Variants in ACTB observed in about 807,000 individuals in gnomAD.
The protein encoded by ACTB is actin beta, also known as actin, cytoplasmic 1.
In ACTB, 2 loss-of-function variants were observed where a neutral mutation model predicts 30.5. The observed-to-expected ratio is 0.07, with a 90% CI of 0.03 to 0.21. The LOEUF (loss-of-function observed/expected upper bound fraction) is 0.21. ACTB is among the 10% of genes least tolerant of loss of function. ACTB has a pLI of 1.00. For synonymous variants in ACTB, 335 were observed against 217.6 expected (o/e 1.54, Z -4.75); for missense variants, 56 against 530.0 (o/e 0.11, Z 8.78).
chr7:5,528,918 C>T lies in ACTB; in HGVS notation c.364-199G>A, dbSNP rs1001654212. The stretch of plus-strand genomic sequence containing the variant: ...ACACCAGCCTCATGGCCTTGTCACA[C>T]GAGCCAGTGTTAGTACCTACACCCA... On this transcript the variant is annotated intron_variant, in intron 3 of 5. Transcript: ENST00000646664. 6 of 1,468,756 alleles carry T rather than the reference C, an allele frequency of 4.1e-6. No individual in the cohort carries two copies. The South Asian group carries it at 4.9e-5, about 12-fold the overall frequency. 91.0% of individuals were successfully genotyped at this position (1,468,756 alleles called of 1,614,324 possible). A position where few individuals can be genotyped will look rare whatever the true frequency, so the allele number is the denominator to read the frequency against.
At chr7:5,528,957 G>C (rs967389276) in intron 3 of ACTB, 1 of 1,546,496 alleles carries the variant, frequency 6.5e-7, no homozygotes, top group South Asian at 1.2e-5. Flanking sequence ...CACTGTCTTA[G>C]ACACCTAGTC....
intron 2 of ACTB, 36 bp from the exon 3 acceptor site, chr7:5,529,436 C>G: frequency 6.2e-7 from 1 of 1,613,648 alleles, no homozygotes; most frequent in South Asian, 1.1e-5. Context: ...TGAGCACGGG[C>G]GCAGCCCCCA....
chr7:5,529,853 G>C (rs1053696029), intron 1 of ACTB, 190 bp from the exon 2 acceptor site: 2 of 984,984 alleles, frequency 2.0e-6, no homozygotes, highest in Admixed American at 2.0e-5. Flanking sequence ...CGCGCGGCAG[G>C]AAGCCAGGCC....
rs201416978 is a variant in ACTB, at chr7:5,527,859, C to G, written c.1017G>C (p.Val339=). The G allele has an allele frequency of 3.0e-5, 48 of 1,614,078 alleles. No individual in the cohort carries two copies. The East Asian group carries it at 8.2e-4, about 28-fold the overall frequency. ...AGGCCAGGATGGAGCCGCCGATCCACACGGAGTACTTGCGCTCAGGAGGAG... is the reference window on the plus strand; with the variant it reads ...AGGCCAGGATGGAGCCGCCGATCCAGACGGAGTACTTGCGCTCAGGAGGAG... The part of the protein sequence containing the change: ...IIAPPERKYS[V]WIGGSILASL... Residue 339 remains valine, a synonymous_variant, in exon 6 of 6, where the codon GTG becomes GTC. Coordinates refer to ENST00000646664, the MANE Select transcript of ACTB (RefSeq NM_001101.5).
rs1784821579 is a variant in ACTB at position 5,528,905 on chromosome 7, T to TG, written c.364-187dup. Reference sequence around the variant, plus strand: ...CCAAGGCCGCTTTACACCAGCCTCATGGCCTTGTCACACGAGCCAGTGTTA... The same window carrying TG: ...CCAAGGCCGCTTTACACCAGCCTCATGGGCCTTGTCACACGAGCCAGTGTTA... On this transcript the variant is annotated intron_variant, in intron 3 of 5. Coordinates refer to ENST00000646664, the MANE Select transcript of ACTB (RefSeq NM_001101.5). 1.6e-5 allele frequency: 23 copies of TG among 1,445,076 alleles called. No homozygotes were observed. In the South Asian group the frequency reaches 2.7e-4, roughly 17 times the overall value. 89.5% of individuals were successfully genotyped at this position (1,445,076 alleles called of 1,614,324 possible).
At position 5,529,320 on chromosome 7, in the gene ACTB, C is replaced by T; in HGVS notation, c.204G>A (p.Lys68=). 6.2e-7 allele frequency: 1 copy of T among 1,614,056 alleles called. No homozygotes were observed. The highest frequency in any genetic ancestry group is 8.5e-7 in the Non-Finnish European group (1 of 1,180,028). Residue 68 remains lysine (K), a synonymous_variant, in exon 3 of 6, where the codon AAG becomes AAA. Transcript: ENST00000646664. ...TGACGATGCCGTGCTCGATGGGGTACTTCAGGGTGAGGATGCCTCTCTTGC... is the reference window on the plus strand; with the variant it reads ...TGACGATGCCGTGCTCGATGGGGTATTTCAGGGTGAGGATGCCTCTCTTGC... ...AQSKRGILTL[K]YPIEHGIVTN...
chr7:5,528,745 A>C (rs1784817316), intron 3 of ACTB, 26 bp from the exon 4 acceptor site: 1 of 1,611,822 alleles, frequency 6.2e-7, no homozygotes, highest in Admixed American at 1.7e-5. Context: ...ACACCATGTC[A>C]CACTGGGGAA....
In ACTB at chr7:5,529,335, G is replaced by C. The variant is rs1784832414; in HGVS notation, c.189C>G (p.Gly63=). 1 of 1,613,960 alleles carries C rather than the reference G, an allele frequency of 6.2e-7. No individual in the cohort carries two copies. Among genetic ancestry groups the C allele is most frequent in the South Asian group, 1.1e-5 (1 of 91,094 alleles). The change falls in exon 3 of 6, where the codon GGC becomes GGG. Residue 63 remains glycine, a synonymous_variant. Transcript: ENST00000646664. The part of the protein sequence containing the change: ...YVGDEAQSKR[G]ILTLKYPIEH... Reference sequence around the variant, plus strand: ...CGATGGGGTACTTCAGGGTGAGGATGCCTCTCTTGCTCTGGGCCTCGTCGC... The same window carrying C: ...CGATGGGGTACTTCAGGGTGAGGATCCCTCTCTTGCTCTGGGCCTCGTCGC...
In ACTB at chr7:5,528,345, C is replaced by T. The variant is rs148969043; in HGVS notation, c.738G>A (p.Gln246=). The T allele has an allele frequency of 3.0e-5, 48 of 1,614,054 alleles. No individual in the cohort carries two copies. The highest frequency in any genetic ancestry group is 4.0e-5 in the Non-Finnish European group (47 of 1,180,044). The change falls in exon 4 of 6, where the codon CAG becomes CAA. Residue 246 remains glutamine (Q), a synonymous_variant. Coordinates refer to ENST00000646664, the MANE Select transcript of ACTB (RefSeq NM_001101.5). Reference sequence around the variant, plus strand: ...ACCGCTCATTGCCAATGGTGATGACCTGGCCGTCAGGCAGCTCGTAGCTCT... The same window carrying T: ...ACCGCTCATTGCCAATGGTGATGACTTGGCCGTCAGGCAGCTCGTAGCTCT... The part of the protein sequence containing the change: ...LEKSYELPDG[Q]VITIGNERFR...
intron 4 of ACTB, 36 bp downstream of exon 4, chr7:5,528,245 C>CA: frequency 6.2e-7 from 1 of 1,613,784 alleles, no homozygotes; most frequent in South Asian, 1.1e-5. Context: ...GGGTAACCCT[C>CA]ATGTCAGGCA....
chr7:5,527,579 T>G lies in ACTB; in HGVS notation c.*169A>C. The G allele has an allele frequency of 9.1e-7, 1 of 1,100,788 alleles. No homozygotes were observed. Among genetic ancestry groups the G allele is most frequent in the Non-Finnish European group, 1.3e-6 (1 of 766,974 alleles). 68.2% of individuals were successfully genotyped at this position (1,100,788 alleles called of 1,614,324 possible). On this transcript the variant is annotated 3_prime_UTR_variant, in exon 6 of 6. Coordinates refer to ENST00000646664, the MANE Select transcript of ACTB (RefSeq NM_001101.5). ...TTGGGGGATGCTCGCTCCAACCGAC[T>G]GCTGTCACCTTCACCGTTCCAGTTT...
Position 5,529,350 on chromosome 7 carries a change from G to A in ACTB, c.174C>T (p.Ala58=). Residue 58 remains alanine, a synonymous_variant, in exon 3 of 6, where the codon GCC becomes GCT. Transcript: ENST00000646664. The part of the protein sequence containing the change: ...GQKDSYVGDE[A]QSKRGILTLK... Reference sequence around the variant, plus strand: ...GGGTGAGGATGCCTCTCTTGCTCTGGGCCTCGTCGCCCACATAGGAATCCT... The same window carrying A: ...GGGTGAGGATGCCTCTCTTGCTCTGAGCCTCGTCGCCCACATAGGAATCCT... 1.9e-6 allele frequency: 3 copies of A among 1,614,066 alleles called. No individual in the cohort carries two copies. The highest frequency in any genetic ancestry group is 1.1e-5 in the South Asian group (1 of 91,090).
chr7:5,528,055 G>A lies in ACTB; in HGVS notation c.933C>T (p.Asp311=), dbSNP rs1584261521. The change falls in exon 5 of 6, where the codon GAC becomes GAT. Residue 311 remains aspartate, a synonymous_variant. Transcript: ENST00000646664. ...GGGCAGTGATCTCCTTCTGCATCCT[G>A]TCGGCAATGCCAGGGTACATGGTGG... ...GGTTMYPGIA[D]RMQKEITALA... is the part of the protein sequence containing the mutation. 1 of 1,614,236 alleles carries A rather than the reference G, an allele frequency of 6.2e-7. No homozygotes were observed. Among genetic ancestry groups the A allele is most frequent in the South Asian group, 1.1e-5 (1 of 91,088 alleles).
chr7:5,528,270 T>C lies in ACTB; in HGVS notation c.802+11A>G. The stretch of plus-strand genomic sequence containing the variant: ...CATGTCAGGCAGAGCCGGGAGACAG[T>C]CTCCACTCACCCAGGAAGGAAGGCT... On this transcript the variant is annotated intron_variant, in intron 4 of 5. Transcript: ENST00000646664. 4.3e-6 allele frequency: 7 copies of C among 1,613,130 alleles called. No individual in the cohort carries two copies. The highest frequency in any genetic ancestry group is 5.9e-6 in the Non-Finnish European group (7 of 1,179,142).
Position 5,529,514 on chromosome 7 carries a change from C to T in ACTB, c.123+21G>A, listed in dbSNP as rs533491534. ...CCTCCCGCCCGCTCCCGGGGCTGCC[C>T]CACCCAGCCAGCTCCCCTACCTGGT... On this transcript the variant is annotated intron_variant, in intron 2 of 5. Coordinates refer to ENST00000646664, the MANE Select transcript of ACTB (RefSeq NM_001101.5). 4.3e-6 allele frequency: 7 copies of T among 1,611,772 alleles called. No individual in the cohort carries two copies. In the South Asian group the frequency reaches 7.7e-5, roughly 18 times the overall value.
chr7:5,529,007 A>G (rs1296752654), intron 3 of ACTB, 154 bp downstream of exon 3: 2 of 1,605,752 alleles, frequency 1.2e-6, no homozygotes, highest in East Asian at 2.2e-5. Flanking sequence ...TCTGGGAAAA[A>G]GCAAATAGAA....
chr7:5,529,833 G>A (rs762566877), intron 1 of ACTB, 170 bp from the exon 2 acceptor site: 31 of 1,136,886 alleles, frequency 2.7e-5, no homozygotes, highest in African/African-American at 1.6e-4. Context: ...GGTCGGAGGC[G>A]TCCCCGCGGC....
intron 3 of ACTB, 197 bp downstream of exon 3, chr7:5,528,964 A>AGGT: frequency 2.6e-6 from 4 of 1,553,536 alleles, no homozygotes; most frequent in Non-Finnish European, 3.5e-6. Flanking sequence ...TTAGACACCT[A>AGGT]GTCAGAGAGA....
Position 5,529,634 on chromosome 7 carries a change from G to T in ACTB, c.24C>A (p.Leu8=), listed in dbSNP as rs151181948. The change falls in exon 2 of 6, where the codon CTC becomes CTA. Residue 8 remains leucine, a synonymous_variant. Coordinates refer to ENST00000646664, the MANE Select transcript of ACTB (RefSeq NM_001101.5). ...ACATGCCGGAGCCGTTGTCGACGAC[G>T]AGCGCGGCGATATCATCATCCATGG... MDDDIAA[L]VVDNGSGMCK... The T allele has an allele frequency of 1.1e-5, 18 of 1,611,340 alleles. No individual in the cohort carries two copies. The highest frequency in any genetic ancestry group is 1.4e-5 in the Non-Finnish European group (16 of 1,179,734).
Sources: allele counts gnomAD v4.1 joint callset, GRCh38; gene constraint gnomAD v4.1.1; transcripts MANE v1.5; gene names NCBI Gene and HGNC (gene_info 2026-07-23, HGNC 2026-07-21).